Variants in SPOCK1 observed in about 807,000 individuals in gnomAD.
The protein encoded by SPOCK1 is testican-1.
Under a neutral mutation model 55.3 loss-of-function variants are expected in SPOCK1, and 23 were observed. That is an observed-to-expected ratio of 0.42 (90% CI 0.30 to 0.59). The LOEUF (loss-of-function observed/expected upper bound fraction) is 0.59. Among genes scored for constraint, SPOCK1 ranks in the 20% least tolerant of loss-of-function variants. The pLI is 0.22. For missense variants in SPOCK1, 499 were observed against 552.5 expected (o/e 0.90, Z 0.97); for synonymous variants, 226 against 221.0 (o/e 1.02, Z -0.20).
chr5:137,115,655 C>T (rs1359007663), intron 4 of SPOCK1, among the ~76,000 whole-genome samples: 1 of 152,120 alleles, frequency 6.6e-6, no homozygotes, highest in Non-Finnish European at 1.5e-5. Context: ...TGAATGCTCT[C>T]AATTCTAATG....
intron 3 of SPOCK1, among the ~76,000 whole-genome samples, chr5:137,200,742 CACCTATTA>C (rs1358721129): frequency 1.3e-5 from 2 of 152,064 alleles, no homozygotes; most frequent in Non-Finnish European, 2.9e-5. Context: ...TGGTTTGCTG[CACCTATTA>C]ACCCACCATC....
chr5:137,392,609 A>C (rs1454386034), intron 2 of SPOCK1, among the ~76,000 whole-genome samples: 1 of 152,130 alleles, frequency 6.6e-6, no homozygotes, highest in Non-Finnish European at 1.5e-5. Context: ...CAAGCTGTTT[A>C]ATTGCTATGC....
At chr5:137,016,728 A>G (rs990056777) in intron 6 of SPOCK1, among the ~76,000 whole-genome samples, 41 of 152,256 alleles carry the variant, frequency 2.7e-4, no homozygotes, top group Admixed American at 1.0e-3. Context: ...GAGTTAGGGT[A>G]GAGAAAGGCT....
intron 2 of SPOCK1, among the ~76,000 whole-genome samples, chr5:137,441,440 A>G (rs1414658350): frequency 2.0e-5 from 3 of 152,232 alleles, no homozygotes; most frequent in Non-Finnish European, 2.9e-5. Flanking sequence ...CTATGATTCC[A>G]ACTTTTATCA....
intron 5 of SPOCK1, among the ~76,000 whole-genome samples, chr5:137,072,379 G>A (rs1752637350): frequency 6.6e-6 from 1 of 152,110 alleles, no homozygotes; most frequent in South Asian, 2.1e-4. Context: ...AAACCCCTGG[G>A]GATTCTAGAC....
At chr5:137,468,351 G>A (rs1375349173) in intron 2 of SPOCK1, among the ~76,000 whole-genome samples, 1 of 152,216 alleles carries the variant, frequency 6.6e-6, no homozygotes, top group Non-Finnish European at 1.5e-5. Context: ...ACCAGTGGGT[G>A]TTTAAAGAAC....
chr5:137,435,131 T>C (rs1010909796), intron 2 of SPOCK1, among the ~76,000 whole-genome samples: 4 of 152,234 alleles, frequency 2.6e-5, no homozygotes, highest in African/African-American at 9.6e-5. Flanking sequence ...AAACATGATA[T>C]CAAGTACATT....
intron 3 of SPOCK1, among the ~76,000 whole-genome samples, chr5:137,204,740 C>T (rs566154842): frequency 6.6e-6 from 1 of 152,268 alleles, no homozygotes; most frequent in African/African-American, 2.4e-5. Context: ...TGCTTCAAAC[C>T]CTTGAGCAGC....
intron 2 of SPOCK1, among the ~76,000 whole-genome samples, chr5:137,440,443 G>T (rs1170092770): frequency 6.6e-6 from 1 of 152,192 alleles, no homozygotes; most frequent in Non-Finnish European, 1.5e-5. Context: ...TCATTAAAGA[G>T]CAAAGCCAAG....
intron 2 of SPOCK1, among the ~76,000 whole-genome samples, chr5:137,306,129 G>A (rs953145507): frequency 7.9e-5 from 12 of 152,186 alleles, no homozygotes; most frequent in Non-Finnish European, 1.6e-4. Context: ...AGAATGGGGC[G>A]AGAAGTCATG....
At chr5:137,315,567 T>C (rs1233855634) in intron 2 of SPOCK1, among the ~76,000 whole-genome samples, 2 of 152,236 alleles carry the variant, frequency 1.3e-5, no homozygotes, top group Non-Finnish European at 2.9e-5. Flanking sequence ...TGCCAGGACA[T>C]GCCACCAGAG....
intron 3 of SPOCK1, among the ~76,000 whole-genome samples, chr5:137,159,402 A>G (rs1304930483): frequency 1.3e-5 from 2 of 152,146 alleles, no homozygotes; most frequent in Non-Finnish European, 2.9e-5. Context: ...GTTTTCTGGG[A>G]TTTTGGTACA....
At chr5:137,423,989 ATT>A (rs34615005) in intron 2 of SPOCK1, among the ~76,000 whole-genome samples, 65 of 151,616 alleles carry the variant, frequency 4.3e-4, no homozygotes, top group African/African-American at 1.4e-3. Context: ...GTGAAGATTC[ATT>A]TTTTTTTTCC....
intron 3 of SPOCK1, among the ~76,000 whole-genome samples, chr5:137,233,713 C>CTTTTTTTT (rs56328555): frequency 1.3e-3 from 77 of 58,394 alleles, no homozygotes; most frequent in African/African-American, 2.6e-3. Flanking sequence ...AGGATATGCA[C>CTTTTTTTT]TTTTTTTTTT....
At chr5:137,334,906 C>T (rs1002160477) in intron 2 of SPOCK1, among the ~76,000 whole-genome samples, 9 of 152,222 alleles carry the variant, frequency 5.9e-5, no homozygotes, top group Admixed American at 3.9e-4. Context: ...CACCCAAGGG[C>T]GTACCCGTCA....
chr5:137,299,508 G>A (rs571593732), intron 2 of SPOCK1, among the ~76,000 whole-genome samples: 2 of 151,916 alleles, frequency 1.3e-5, no homozygotes, highest in South Asian at 4.2e-4. Context: ...ATTCATTCCT[G>A]TAGATTCATG....
intron 3 of SPOCK1, among the ~76,000 whole-genome samples, chr5:137,225,786 A>G (rs1399562403): frequency 6.6e-6 from 1 of 152,214 alleles, no homozygotes; most frequent in Non-Finnish European, 1.5e-5. Flanking sequence ...CAGGGATCAC[A>G]TTTTGAGGAC....
intron 6 of SPOCK1, among the ~76,000 whole-genome samples, chr5:137,003,268 A>C (rs1751183401): frequency 6.6e-6 from 1 of 152,058 alleles, no homozygotes; most frequent in African/African-American, 2.4e-5. Flanking sequence ...GCATGGTGGC[A>C]CACGCCTGTA....
rs562277050 is a variant in SPOCK1 at position 137,003,177 on chromosome 5, G to C, written c.590-10577C>G. On this transcript the variant is annotated intron_variant, in intron 6 of 10. Coordinates refer to ENST00000394945, the MANE Select transcript of SPOCK1 (RefSeq NM_004598.4). Reference sequence around the variant, plus strand: ...TCCCAGCACTTTAGAAGGCCCAGGAGGGTGGATCACCTGAGGCCAGGAGTT... The same window carrying C: ...TCCCAGCACTTTAGAAGGCCCAGGACGGTGGATCACCTGAGGCCAGGAGTT... Among the ~76,000 whole-genome samples the C allele has an allele frequency of 4.0e-3, 609 of 152,294 alleles. 3 individuals carry two copies. The highest frequency in any genetic ancestry group is 0.014 in the African/African-American group (565 of 41,572).
Sources: gnomAD v4.1 joint callset for allele counts (sites outside exome capture counted in the v4.1 genomes callset) on GRCh38, gnomAD v4.1.1 for gene constraint, MANE v1.5 for transcripts, NCBI Gene and HGNC (gene_info 2026-07-23, HGNC 2026-07-21) for gene names.